The following SMYD3 variants were observed in gnomAD, a reference collection of about 807,000 sequenced individuals.
The protein encoded by SMYD3 is histone-lysine N-methyltransferase SMYD3.
A neutral mutation model predicts 57.7 loss-of-function variants in SMYD3; 36 were observed. The observed-to-expected ratio is 0.62, with a 90% CI of 0.48 to 0.82. The LOEUF (loss-of-function observed/expected upper bound fraction) is 0.82, where lower values mean the gene tolerates loss of function less well. Ranked by LOEUF, SMYD3 falls within the 40% of genes least tolerant of loss-of-function variation. The pLI is 0.00. For missense variants in SMYD3, 515 were observed against 538.8 expected (o/e 0.96, Z 0.44); for synonymous variants, 211 against 195.0 (o/e 1.08, Z -0.68).
intron 5 of SMYD3, among the ~76,000 whole-genome samples, chr1:246,095,234 C>T (rs2060893681): frequency 6.6e-6 from 1 of 152,178 alleles, no homozygotes; most frequent in African/African-American, 2.4e-5. Flanking sequence ...CAAAACAATT[C>T]GAAACAGGAG....
chr1:246,370,538 G>C (rs2066177389), intron 1 of SMYD3, among the ~76,000 whole-genome samples: 1 of 152,106 alleles, frequency 6.6e-6, no homozygotes, highest in South Asian at 2.1e-4. Context: ...CTGCAAAGTG[G>C]GAATAAGTGA....
At chr1:245,842,069 C>G (rs1367325551) in intron 10 of SMYD3, among the ~76,000 whole-genome samples, 1 of 152,118 alleles carries the variant, frequency 6.6e-6, no homozygotes, top group African/African-American at 2.4e-5. Flanking sequence ...AGCCAAGGAG[C>G]ACCATATAGT....
chr1:246,316,795 ACCATCCTGGCCAACATGGTGAAACC>A (rs2065168200), intron 5 of SMYD3, among the ~76,000 whole-genome samples: 1 of 150,888 alleles, frequency 6.6e-6, no homozygotes, highest in African/African-American at 2.4e-5. Flanking sequence ...AGAGATCAAG[ACCATCCTGGCCAACATGGTGAAACC>A]CCATCTCAAC....
chr1:245,931,756 T>C (rs1336518917), intron 5 of SMYD3, among the ~76,000 whole-genome samples: 3 of 152,326 alleles, frequency 2.0e-5, no homozygotes, highest in East Asian at 3.9e-4. Context: ...CAGGTTTACA[T>C]GAAAGAACAC....
At chr1:245,833,634 T>C (rs2049966240) in intron 10 of SMYD3, among the ~76,000 whole-genome samples, 1 of 152,268 alleles carries the variant, frequency 6.6e-6, no homozygotes, top group Non-Finnish European at 1.5e-5. Flanking sequence ...GTTTTTCCAC[T>C]GCAAGGTGTA....
chr1:246,327,922 C>A (rs1011965243), intron 4 of SMYD3, among the ~76,000 whole-genome samples: 1 of 152,130 alleles, frequency 6.6e-6, no homozygotes, highest in East Asian at 1.9e-4. Context: ...AGCCTGGCGC[C>A]GTGACTCACG....
At chr1:246,190,034 A>G (rs2062706957) in intron 5 of SMYD3, among the ~76,000 whole-genome samples, 1 of 152,222 alleles carries the variant, frequency 6.6e-6, no homozygotes, top group African/African-American at 2.4e-5. Flanking sequence ...CAGATTATTA[A>G]ATTCACCTCC....
At chr1:246,128,229 C>A (rs1184965939) in intron 5 of SMYD3, among the ~76,000 whole-genome samples, 3 of 152,186 alleles carry the variant, frequency 2.0e-5, no homozygotes, top group Admixed American at 1.3e-4. Context: ...CTGCACTCCT[C>A]CTCCCCATCT....
At chr1:245,908,190 C>A (rs2054712585) in intron 8 of SMYD3, among the ~76,000 whole-genome samples, 2 of 151,440 alleles carry the variant, frequency 1.3e-5, no homozygotes, top group South Asian at 4.2e-4. Flanking sequence ...GAAGCCAAAG[C>A]TGAGCAGGAG....
chr1:246,267,947 TGA>T lies in SMYD3; in HGVS notation c.531+59252_531+59253del, dbSNP rs528016414. Among the ~76,000 whole-genome samples the T allele has an allele frequency of 7.9e-5, 12 of 152,328 alleles. No individual in the cohort carries two copies. In the South Asian group the frequency reaches 2.5e-3, roughly 32 times the overall value. Reference sequence around the variant, plus strand: ...TCATTTCTGTCTTTTCCTATGAGCCTGAGAGAGGACAGGCCTCACACATTCAC... The same window carrying T: ...TCATTTCTGTCTTTTCCTATGAGCCTGAGAGGACAGGCCTCACACATTCAC... On this transcript the variant is annotated intron_variant, in intron 5 of 11. Transcript: ENST00000490107.
intron 8 of SMYD3, among the ~76,000 whole-genome samples, chr1:245,910,671 G>A (rs1406642344): frequency 6.6e-6 from 1 of 152,008 alleles, no homozygotes. Context: ...AAAATACATT[G>A]AGAAAGGAAA....
intron 1 of SMYD3, among the ~76,000 whole-genome samples, chr1:246,467,817 TACAG>T (rs924031702): frequency 5.3e-5 from 8 of 152,202 alleles, no homozygotes; most frequent in African/African-American, 1.9e-4. Flanking sequence ...AGAAGAAAAT[TACAG>T]ACAAATATCC....
intron 5 of SMYD3, among the ~76,000 whole-genome samples, chr1:246,066,447 A>AT (rs1011741183): frequency 7.2e-5 from 11 of 151,746 alleles, no homozygotes; most frequent in South Asian, 2.1e-4. Flanking sequence ...TATTTTTCAA[A>AT]TTTTTTTTTA....
intron 3 of SMYD3, among the ~76,000 whole-genome samples, chr1:246,334,587 A>G (rs186758041): frequency 6.6e-6 from 1 of 152,294 alleles, no homozygotes; most frequent in Admixed American, 6.5e-5. Flanking sequence ...GGAGTGGGCA[A>G]GAGATGAAAA....
intron 5 of SMYD3, among the ~76,000 whole-genome samples, chr1:246,284,473 G>A (rs907724749): frequency 6.7e-6 from 1 of 150,166 alleles, no homozygotes; most frequent in Non-Finnish European, 1.5e-5. Flanking sequence ...CCAGACTGCA[G>A]TGGCTTGATC....
chr1:245,817,135 T>G (rs531658674), intron 10 of SMYD3, among the ~76,000 whole-genome samples: 7 of 150,914 alleles, frequency 4.6e-5, no homozygotes, highest in African/African-American at 1.7e-4. Context: ...CTCTGCAGAC[T>G]TAAGTGTCCC....
At chr1:246,129,550 C>A (rs2061557633) in intron 5 of SMYD3, among the ~76,000 whole-genome samples, 1 of 152,182 alleles carries the variant, frequency 6.6e-6, no homozygotes, top group African/African-American at 2.4e-5. Context: ...TGACTCCTGG[C>A]ATCTTCTGCT....
chr1:246,369,904 A>C (rs1444530262), intron 1 of SMYD3, among the ~76,000 whole-genome samples: 2 of 152,180 alleles, frequency 1.3e-5, no homozygotes, highest in Admixed American at 1.3e-4. Flanking sequence ...ATAAAACAAA[A>C]AAAAAAATGT....
chr1:246,345,521 A>AAAAATCC (rs1406575057), intron 2 of SMYD3, among the ~76,000 whole-genome samples: 1 of 152,232 alleles, frequency 6.6e-6, no homozygotes, highest in Non-Finnish European at 1.5e-5. Flanking sequence ...TCCCAAACCT[A>AAAAATCC]AAAATCCAAA....
Sources: allele counts gnomAD v4.1 joint callset (sites outside exome capture counted in the v4.1 genomes callset), GRCh38; gene constraint gnomAD v4.1.1; transcripts MANE v1.5; gene names NCBI Gene and HGNC (gene_info 2026-07-23, HGNC 2026-07-21).